Variants in GPHN observed in about 807,000 individuals in gnomAD.
The protein encoded by GPHN is gephyrin.
A neutral mutation model predicts 95.5 loss-of-function variants in GPHN; 17 were observed. That is an observed-to-expected ratio of 0.18 (90% CI 0.12 to 0.27). GPHN has a LOEUF of 0.27. Among genes scored for constraint, GPHN ranks in the 10% least tolerant of loss-of-function variants. The probability of loss-of-function intolerance (pLI) is 1.00; values close to 1 mark genes in which losing one functional copy is unlikely to be tolerated. For missense variants in GPHN, 660 were observed against 978.1 expected (o/e 0.67, Z 4.34); for synonymous variants, 320 against 322.5 (o/e 0.99, Z 0.08).
chr14:66,542,610 C>G (rs1346467057), intron 1 of GPHN, among the ~76,000 whole-genome samples: 1 of 152,164 alleles, frequency 6.6e-6, no homozygotes, highest in Non-Finnish European at 1.5e-5. Flanking sequence ...ACTCTCACTC[C>G]TATGTCATAA....
chr14:67,442,652 C>T, the GPHN span, among the ~76,000 whole-genome samples: 26 of 152,296 alleles, frequency 1.7e-4, no homozygotes, highest in South Asian at 1.4e-3. Flanking sequence ...GCATACATGA[C>T]GTGTCAGATA....
intron 3 of GPHN, among the ~76,000 whole-genome samples, chr14:66,822,291 A>G (rs2061226534): frequency 6.6e-6 from 1 of 152,186 alleles, no homozygotes; most frequent in Non-Finnish European, 1.5e-5. Flanking sequence ...GGCCTACCCA[A>G]CTATCTGTGA....
chr14:66,558,538 A>G (rs756521944), intron 1 of GPHN, among the ~76,000 whole-genome samples: 5 of 152,150 alleles, frequency 3.3e-5, no homozygotes, highest in East Asian at 1.9e-4. Context: ...ATAGGCCTCC[A>G]TTCAATAAGT....
chr14:67,025,095 A>G (rs980265216), intron 10 of GPHN, among the ~76,000 whole-genome samples: 3 of 152,082 alleles, frequency 2.0e-5, no homozygotes, highest in South Asian at 2.1e-4. Flanking sequence ...ATTAGATTGC[A>G]CTTTGATTTC....
At chr14:66,820,589 G>GA (rs1193121839) in intron 3 of GPHN, among the ~76,000 whole-genome samples, 13 of 152,172 alleles carry the variant, frequency 8.5e-5, no homozygotes, top group African/African-American at 2.9e-4. Context: ...CTTACAATAA[G>GA]AAAAAGATAT....
At chr14:66,651,861 G>T (rs1170651978) in intron 1 of GPHN, among the ~76,000 whole-genome samples, 3 of 151,814 alleles carry the variant, frequency 2.0e-5, no homozygotes, top group African/African-American at 7.3e-5. Flanking sequence ...CTAGTTGCAG[G>T]AAAACAAGCT....
chr14:66,660,678 CT>C (rs2065590908), intron 1 of GPHN, among the ~76,000 whole-genome samples: 1 of 152,050 alleles, frequency 6.6e-6, no homozygotes, highest in Non-Finnish European at 1.5e-5. Context: ...GTGTGTGGCT[CT>C]TACAGAGAGG....
At chr14:67,381,762 C>G in the GPHN span, 54 of 826,332 alleles carry the variant, frequency 6.5e-5, no homozygotes, top group African/African-American at 9.2e-4. Context: ...ATCTTTGTTT[C>G]TTTTTTTTTT....
the GPHN span, among the ~76,000 whole-genome samples, chr14:67,672,461 T>G: frequency 6.7e-6 from 1 of 148,340 alleles, no homozygotes; most frequent in Non-Finnish European, 1.5e-5. Context: ...TTTTTTTTTT[T>G]TTGATACAGA....
intron 2 of GPHN, among the ~76,000 whole-genome samples, chr14:66,721,951 C>CAAAAAA (rs35174343): frequency 3.3e-5 from 2 of 60,120 alleles, no homozygotes; most frequent in Non-Finnish European, 4.1e-5. Context: ...AACTCTGTCT[C>CAAAAAA]AAAAAAAAAA....
At chr14:66,930,594 C>T (rs896660970) in intron 8 of GPHN, among the ~76,000 whole-genome samples, 4 of 148,778 alleles carry the variant, frequency 2.7e-5, no homozygotes, top group East Asian at 2.0e-4. Context: ...GGTATAATCA[C>T]GGCTCAGTGT....
intron 17 of GPHN, among the ~76,000 whole-genome samples, chr14:67,134,946 C>CTTTTTTTTTTTTTTTTTTT (rs1191759117): frequency 1.7e-5 from 1 of 59,162 alleles, no homozygotes; most frequent in Non-Finnish European, 3.6e-5. Context: ...CTCTTTCTTT[C>CTTTTTTTTTTTTTTTTTTT]TTTCTTCTTT....
the GPHN span, chr14:67,303,409 T>G: frequency 1.3e-6 from 1 of 754,918 alleles, no homozygotes; most frequent in Admixed American, 2.2e-5. Flanking sequence ...GCTGGTCATT[T>G]AAGTCTGTGG....
At chr14:67,582,204 G>A in the GPHN span, 2 of 1,613,720 alleles carry the variant, frequency 1.2e-6, no homozygotes, top group Admixed American at 1.7e-5. This position sits in a 1 kb window ranked among gnomAD's most constrained non-coding sequence, Gnocchi z 5.0. Context: ...CTGCCCTGAT[G>A]GCCCAGGTAA....
the GPHN span, chr14:67,727,484 T>TG: frequency 5.8e-6 from 2 of 345,428 alleles, no homozygotes; most frequent in Non-Finnish European, 5.5e-6. Context: ...TTGTTTTTTT[T>TG]GTTTTTTTTT....
chr14:66,937,649 T>A lies in GPHN; in HGVS notation c.828+13357T>A, dbSNP rs112272854. Among the ~76,000 whole-genome samples the A allele has an allele frequency of 6.3e-4, 96 of 152,308 alleles. 2 individuals carry two copies. Among genetic ancestry groups the A allele is most frequent in the Admixed American group, 1.9e-3 (29 of 15,302 alleles). On this transcript the variant is annotated intron_variant, in intron 8 of 22. Transcript: ENST00000478722. The stretch of plus-strand genomic sequence containing the variant: ...TGCTTCGGCCTCCCAAAGTGCTGGA[T>A]TACAGGCATGAGCCACCGCACCTGG...
At chr14:66,948,128 G>A (rs2067869108) in intron 8 of GPHN, among the ~76,000 whole-genome samples, 1 of 151,878 alleles carries the variant, frequency 6.6e-6, no homozygotes, top group Non-Finnish European at 1.5e-5. Context: ...AATTAATACT[G>A]GCATGCAGAT....
At chr14:67,557,338 C>G in the GPHN span, 3 of 1,613,712 alleles carry the variant, frequency 1.9e-6, no homozygotes, top group Non-Finnish European at 2.5e-6. Context: ...GAGCCTGCAC[C>G]GGAAATACCA....
chr14:67,390,428 C>T, the GPHN span, among the ~76,000 whole-genome samples: 6 of 152,112 alleles, frequency 3.9e-5, no homozygotes, highest in African/African-American at 1.4e-4. Context: ...GATAAAGATG[C>T]CCTCCCATGG....
Sources: gnomAD v4.1 joint callset for allele counts (sites outside exome capture counted in the v4.1 genomes callset) on GRCh38, gnomAD v4.1.1 for gene constraint, Gnocchi (gnomAD v3.1) non-coding constraint, MANE v1.5 for transcripts, NCBI Gene and HGNC (gene_info 2026-07-23, HGNC 2026-07-21) for gene names.